Variants in ATP7A observed in about 807,000 individuals in gnomAD.
ATP7A encodes the protein ATPase copper transporting alpha.
A neutral mutation model predicts 83.5 loss-of-function variants in ATP7A; 7 were observed. The observed-to-expected ratio is 0.08, with a 90% CI of 0.05 to 0.16. ATP7A has a LOEUF of 0.16. Among genes scored for constraint, ATP7A ranks in the 10% least tolerant of loss-of-function variants. ATP7A has a pLI of 1.00. For synonymous variants in ATP7A, 354 were observed against 395.2 expected, an observed-to-expected ratio of 0.90 and a Z score of 1.24; for missense variants, 940 against 1,120.8, an observed-to-expected ratio of 0.84 and a Z score of 2.30.
chrX:78,011,957 T>C (rs2077829776), intron 9 of ATP7A, among the ~76,000 whole-genome samples: 1 of 109,509 alleles, frequency 9.1e-6, no homozygotes, highest in Admixed American at 9.8e-5. Context: ...ATTTTTTTTT[T>C]TTTAGAGATG....
At chrX:77,984,314 T>C (rs2077622720) in intron 2 of ATP7A, among the ~76,000 whole-genome samples, 1 of 110,601 alleles carries the variant, frequency 9.0e-6, no homozygotes, top group Non-Finnish European at 1.9e-5. Context: ...AATAAATATT[T>C]GTTGAATACA....
At chrX:78,021,553 T>C (rs1284471103) in intron 14 of ATP7A, among the ~76,000 whole-genome samples, 3 of 112,041 alleles carry the variant, frequency 2.7e-5, no homozygotes, top group African/African-American at 9.7e-5. Flanking sequence ...TATTAAATGC[T>C]TTACAAATAT....
intron 17 of ATP7A, among the ~76,000 whole-genome samples, chrX:78,034,889 T>G (rs1204236390): frequency 9.1e-6 from 1 of 110,084 alleles, no homozygotes; most frequent in Non-Finnish European, 1.9e-5. Flanking sequence ...ATTACAGGTG[T>G]GCGCAGCCAT....
intron 13 of ATP7A, 44 bp from the exon 14 acceptor site, chrX:78,020,901 G>A: frequency 1.7e-6 from 2 of 1,166,627 alleles, no homozygotes; most frequent in Non-Finnish European, 2.3e-6. Context: ...AAAAGACTTT[G>A]ATATGCTTCT....
rs2149097328 is a variant in ATP7A, at chrX:78,015,742, A to T, written c.2499-12A>T. 2.5e-6 allele frequency: 3 copies of T among 1,211,413 alleles called. No homozygotes were observed. The highest frequency in any genetic ancestry group is 3.4e-6 in the Non-Finnish European group (3 of 895,246). On this transcript the variant is annotated splice_polypyrimidine_tract_variant and intron_variant, in intron 11 of 22. Coordinates refer to ENST00000341514, the MANE Select transcript of ATP7A (RefSeq NM_000052.7). ...TATTATCATGGTGCTTTTTATGTTA[A>T]CTTATATCCAGTGAAGAACAAGTGG...
chrX:77,952,279 C>T (rs1205911048), intron 1 of ATP7A, among the ~76,000 whole-genome samples: 1 of 112,224 alleles, frequency 8.9e-6, no homozygotes, highest in Non-Finnish European at 1.9e-5. Context: ...GCCCAACTGT[C>T]TTCCAAAGTG....
intron 15 of ATP7A, among the ~76,000 whole-genome samples, chrX:78,031,168 A>G (rs970105173): frequency 3.6e-5 from 4 of 112,052 alleles, no homozygotes; most frequent in Admixed American, 2.9e-4. Context: ...ATTCACAGTT[A>G]TTTAGCATGA....
rs782363269 is a variant in ATP7A at position 77,989,383 on chromosome X, G to A, written c.761G>A (p.Arg254His). 6 of 1,209,477 alleles carry A rather than the reference G, an allele frequency of 5.0e-6. No individual in the cohort carries two copies. The highest frequency in any genetic ancestry group is 5.9e-5 in the East Asian group (2 of 33,757). The part of the protein sequence containing the change: ...YLKLGAIDVE[R>H]LKNTPVKSSE... ...AAATTGGGAGCTATTGATGTAGAAC[G>A]TCTAAAGAACACACCAGTTAAATCC... Residue 254 changes from arginine to histidine, a missense_variant, in exon 4 of 23, where the codon CGT (arginine) becomes CAT (histidine). By Grantham distance (29) the Arg-to-His change is conservative. This residue lies in a region of ATP7A where 350 missense variants were observed against 432.8 expected (regional missense o/e 0.81). Coordinates refer to ENST00000341514, the MANE Select transcript of ATP7A (RefSeq NM_000052.7).
chrX:77,967,740 T>C (rs2077517753), intron 1 of ATP7A, among the ~76,000 whole-genome samples: 1 of 111,806 alleles, frequency 8.9e-6, no homozygotes, highest in Non-Finnish European at 1.9e-5. Context: ...TATCCCAATT[T>C]AAAAAAGAAT....
At chrX:77,993,235 G>A (rs782592081) in intron 4 of ATP7A, among the ~76,000 whole-genome samples, 2 of 111,386 alleles carry the variant, frequency 1.8e-5, no homozygotes, top group Non-Finnish European at 3.8e-5. Context: ...AGTAAGCAAG[G>A]GCATCATAAA....
At chrX:77,992,600 C>T (rs1225754649) in intron 4 of ATP7A, among the ~76,000 whole-genome samples, 2 of 110,966 alleles carry the variant, frequency 1.8e-5, no homozygotes, top group African/African-American at 6.6e-5. Context: ...TTCATTTTAC[C>T]TATCACCACT....
Position 77,911,328 on chromosome X carries a change from C to T in ATP7A, c.-22+493C>T, listed in dbSNP as rs1776178582. On this transcript the variant is annotated intron_variant, in intron 1 of 22. Coordinates refer to ENST00000341514, the MANE Select transcript of ATP7A (RefSeq NM_000052.7). Reference sequence around the variant, plus strand: ...CACTTAGTTTTGTTCATTGTGCCCCCTTTCCAGTAAAGTTACTGTCCATTG... The same window carrying T: ...CACTTAGTTTTGTTCATTGTGCCCCTTTTCCAGTAAAGTTACTGTCCATTG... Among the ~76,000 whole-genome samples the T allele has an allele frequency of 4.5e-5, 5 of 112,118 alleles. No homozygotes were observed. The South Asian group carries it at 1.5e-3, about 33-fold the overall frequency.
intron 4 of ATP7A, among the ~76,000 whole-genome samples, chrX:77,995,179 C>T (rs936807785): frequency 8.9e-6 from 1 of 111,821 alleles, no homozygotes; most frequent in Non-Finnish European, 1.9e-5. Flanking sequence ...CCAGGTCTCA[C>T]AGCCTACTTC....
At chrX:77,935,708 G>A (rs553095370) in intron 1 of ATP7A, among the ~76,000 whole-genome samples, 20 of 111,635 alleles carry the variant, frequency 1.8e-4, no homozygotes, top group Non-Finnish European at 3.4e-4. Context: ...ACTAAGATGC[G>A]TAAGATTCTT....
intron 2 of ATP7A, among the ~76,000 whole-genome samples, chrX:77,977,919 A>C (rs1303911703): frequency 1.8e-5 from 2 of 111,744 alleles, no homozygotes; most frequent in African/African-American, 6.5e-5. Context: ...TCTTTTTTAA[A>C]AAAATATTTT....
intron 4 of ATP7A, among the ~76,000 whole-genome samples, chrX:77,998,000 G>T (rs2077715466): frequency 9.3e-6 from 1 of 108,001 alleles, no homozygotes; most frequent in Non-Finnish European, 1.9e-5. Flanking sequence ...TAACCCCCCC[G>T]CCCAGCTTTC....
chrX:77,974,302 C>T (rs2077564900), intron 2 of ATP7A, among the ~76,000 whole-genome samples: 1 of 110,826 alleles, frequency 9.0e-6, no homozygotes, highest in African/African-American at 3.3e-5. Flanking sequence ...TGCCACCACA[C>T]CTGGCTAATT....
intron 19 of ATP7A, among the ~76,000 whole-genome samples, chrX:78,041,388 G>A (rs1557238383): frequency 9.2e-6 from 1 of 109,224 alleles, no homozygotes; most frequent in Non-Finnish European, 1.9e-5. Flanking sequence ...CGATTCTCTT[G>A]CCTCAGCCTC....
intron 1 of ATP7A, among the ~76,000 whole-genome samples, chrX:77,956,728 T>TTTCC (rs2077443517): frequency 1.7e-5 from 1 of 59,863 alleles, no homozygotes; most frequent in Admixed American, 2.1e-4. Context: ...CCCAGTCTCC[T>TTTCC]TTCTTTCTTT....
Sources: gnomAD v4.1 joint callset for allele counts (sites outside exome capture counted in the v4.1 genomes callset) on GRCh38, gnomAD v4.1.1 for gene constraint, gnomAD v4.1.1 regional missense constraint, MANE v1.5 for transcripts, NCBI Gene and HGNC (gene_info 2026-07-23, HGNC 2026-07-21) for gene names.